ZCCHC14: variants seen among roughly 807,000 people sequenced by gnomAD.
ZCCHC14 encodes zinc finger CCHC domain-containing protein 14.
In ZCCHC14, 16 loss-of-function variants were observed where a neutral mutation model predicts 85.0. The observed-to-expected ratio is 0.19, with a 90% CI of 0.13 to 0.29. The LOEUF (loss-of-function observed/expected upper bound fraction) is 0.29, where lower values mean the gene tolerates loss of function less well. ZCCHC14 is among the 10% of genes least tolerant of loss of function. The probability of loss-of-function intolerance (pLI) is 1.00; values close to 1 mark genes in which losing one functional copy is unlikely to be tolerated. For missense variants in ZCCHC14, 1,303 were observed against 1,443.5 expected (o/e 0.90, Z 1.58); for synonymous variants, 775 against 630.7 (o/e 1.23, Z -3.43).
At position 87,409,227 on chromosome 16, in the gene ZCCHC14, GATAA is replaced by G. The variant is rs1164679759; in HGVS notation, c.*1049_*1052del. On this transcript the variant is annotated 3_prime_UTR_variant, in exon 13 of 13. Coordinates refer to ENST00000671377, the MANE Select transcript of ZCCHC14 (RefSeq NM_015144.3). Reference sequence around the variant, plus strand: ...AGGAGAAAATTCCCAATCTTTTGCTGATAAATGACAGGACTGTATCATTGTTGAA... The same window carrying G: ...AGGAGAAAATTCCCAATCTTTTGCTGATGACAGGACTGTATCATTGTTGAA... The G allele has an allele frequency of 6.6e-6, 1 of 152,140 alleles. No homozygotes were observed. Among genetic ancestry groups the G allele is most frequent in the Non-Finnish European group, 1.5e-5 (1 of 67,998 alleles). 9.4% of individuals were successfully genotyped at this position (152,140 alleles called of 1,614,324 possible).
At chr16:87,443,940 G>A (rs958812126) in intron 2 of ZCCHC14, among the ~76,000 whole-genome samples, 3 of 151,140 alleles carry the variant, frequency 2.0e-5, no homozygotes, top group East Asian at 1.9e-4. Flanking sequence ...AGGAGGCTGA[G>A]GCATGAGAAT....
At chr16:87,471,190 C>T (rs959530175) in intron 1 of ZCCHC14, 3 of 152,074 alleles carry the variant, frequency 2.0e-5, no homozygotes, top group Non-Finnish European at 1.5e-5. Context: ...GAAGGAGTAA[C>T]GTCTGTTAAA....
Position 87,412,634 on chromosome 16 carries a change from A to G in ZCCHC14, c.2087T>C (p.Met696Thr), listed in dbSNP as rs749060254. 1.9e-6 allele frequency: 3 copies of G among 1,614,212 alleles called. No individual in the cohort carries two copies. Among genetic ancestry groups the G allele is most frequent in the African/African-American group, 1.3e-5 (1 of 75,064 alleles). The change falls in exon 12 of 13, where the codon ATG (methionine) becomes ACG (threonine). Residue 696 changes from methionine to threonine, a missense_variant. By Grantham distance (81) the Met-to-Thr change is moderately conservative (BLOSUM62 -1). Around this residue, in one of 7 missense-constraint regions of ZCCHC14, gnomAD observed 797 missense variants for 730.8 expected, o/e 1.09. Transcript: ENST00000671377. ...TGCGGACGCGGGCAGCACGTCCATCATGGCGCTGCCAAAGCTCTTGTCCAC... is the reference window on the plus strand; with the variant it reads ...TGCGGACGCGGGCAGCACGTCCATCGTGGCGCTGCCAAAGCTCTTGTCCAC... ...MKVDKSFGSA[M>T]MDVLPASAPH...
intron 2 of ZCCHC14, among the ~76,000 whole-genome samples, chr16:87,435,244 G>A (rs917194390): frequency 6.6e-5 from 10 of 152,086 alleles, no homozygotes; most frequent in African/African-American, 1.7e-4. Flanking sequence ...CAAATCACCC[G>A]TGGCAAGTTA....
chr16:87,453,896 A>G (rs963463158), intron 2 of ZCCHC14, among the ~76,000 whole-genome samples: 1 of 152,240 alleles, frequency 6.6e-6, no homozygotes, highest in Non-Finnish European at 1.5e-5. Flanking sequence ...TTATAATGAC[A>G]TTCAAAGATG....
Position 87,419,895 on chromosome 16 carries a change from G to T in ZCCHC14, c.951-18C>A, listed in dbSNP as rs377493506. 4 of 1,578,106 alleles carry T rather than the reference G, an allele frequency of 2.5e-6. No individual in the cohort carries two copies. The Admixed American group carries it at 7.9e-5, about 31-fold the overall frequency. On this transcript the variant is annotated intron_variant, in intron 5 of 12. Coordinates refer to ENST00000671377, the MANE Select transcript of ZCCHC14 (RefSeq NM_015144.3). ...CCAGGTACCTAAAAGGCAAACAAGT[G>T]GTCTTATCAACATTAAAATGGCATT...
chr16:87,423,668 A>G, intron 4 of ZCCHC14, 142 bp downstream of exon 4: 1 of 868,864 alleles, frequency 1.2e-6, no homozygotes, highest in South Asian at 1.7e-5. Flanking sequence ...CTGGGACTCC[A>G]CTGTGGCTGG....
intron 1 of ZCCHC14, among the ~76,000 whole-genome samples, chr16:87,474,608 C>G (rs2150770962): frequency 6.6e-6 from 1 of 152,288 alleles, no homozygotes; most frequent in East Asian, 1.9e-4. Context: ...GTGCCCAGAG[C>G]GAGCTGAGCA....
At chr16:87,483,220 G>A (rs1912364662) in intron 1 of ZCCHC14, among the ~76,000 whole-genome samples, 1 of 143,002 alleles carries the variant, frequency 7.0e-6, no homozygotes, top group Admixed American at 7.5e-5. Context: ...CACTTTGGGA[G>A]GCCGAGGTGG....
intron 1 of ZCCHC14, among the ~76,000 whole-genome samples, chr16:87,461,785 A>G (rs923113714): frequency 1.3e-5 from 2 of 152,232 alleles, no homozygotes; most frequent in African/African-American, 4.8e-5. Context: ...AGCAAGCCAC[A>G]GGGGCCACAC....
At position 87,412,833 on chromosome 16, in the gene ZCCHC14, G is replaced by T. The variant is rs773436443; in HGVS notation, c.1888C>A (p.Leu630Met). 1 of 1,609,636 alleles carries T rather than the reference G, an allele frequency of 6.2e-7. No homozygotes were observed. ...ASSNPSGHHP[L>M]PPQMLSAASH... Reference sequence around the variant, plus strand: ...GCTGCGCTCAGCATCTGCGGGGGCAGGGGGTGGTGGCCTGATGGATTGGAG... The same window carrying T: ...GCTGCGCTCAGCATCTGCGGGGGCATGGGGTGGTGGCCTGATGGATTGGAG... The change falls in exon 12 of 13, where the codon CTG becomes ATG. Residue 630 changes from leucine (L) to methionine (M), a missense_variant. Physicochemically the swap from Leu to Met is conservative, Grantham distance 15 (BLOSUM62 2). Transcript: ENST00000671377.
At chr16:87,452,394 T>C (rs369177295) in intron 2 of ZCCHC14, among the ~76,000 whole-genome samples, 6 of 152,124 alleles carry the variant, frequency 3.9e-5, no homozygotes, top group Admixed American at 3.3e-4. Flanking sequence ...TGACGAGGAC[T>C]TGGAGTCTGT....
chr16:87,458,000 T>C (rs1017461547), intron 2 of ZCCHC14, among the ~76,000 whole-genome samples: 15 of 152,108 alleles, frequency 9.9e-5, no homozygotes. Flanking sequence ...ACGCAGGCTT[T>C]GCCACAGCTC....
At chr16:87,458,678 C>G (rs753621371) in intron 2 of ZCCHC14, among the ~76,000 whole-genome samples, 52 of 152,156 alleles carry the variant, frequency 3.4e-4, no homozygotes, top group Admixed American at 3.4e-3. Flanking sequence ...GTGGAAGGCA[C>G]GAAGCGCCGT....
intron 8 of ZCCHC14, 43 bp from the exon 9 acceptor site, chr16:87,415,410 T>C (rs746398711): frequency 1.9e-6 from 3 of 1,550,924 alleles, no homozygotes; most frequent in Non-Finnish European, 2.7e-6. Flanking sequence ...GAGACATAAG[T>C]AGGACTCTGA....
intron 1 of ZCCHC14, among the ~76,000 whole-genome samples, chr16:87,484,260 T>C (rs1912414877): frequency 1.3e-5 from 2 of 152,216 alleles, no homozygotes; most frequent in African/African-American, 4.8e-5. Context: ...CTGGGTGCCC[T>C]TCCGTGCCAT....
At chr16:87,438,216 C>T (rs1410694794) in intron 2 of ZCCHC14, among the ~76,000 whole-genome samples, 1 of 152,288 alleles carries the variant, frequency 6.6e-6, no homozygotes, top group Non-Finnish European at 1.5e-5. Flanking sequence ...AGGAGGAATG[C>T]ACGCCCCGAC....
At chr16:87,451,294 T>A (rs1234529902) in intron 2 of ZCCHC14, among the ~76,000 whole-genome samples, 1 of 151,762 alleles carries the variant, frequency 6.6e-6, no homozygotes, top group Non-Finnish European at 1.5e-5. Context: ...CCTCCCGGGT[T>A]CAAGCAACTC....
intron 1 of ZCCHC14, among the ~76,000 whole-genome samples, chr16:87,461,128 G>A (rs1210340292): frequency 1.3e-5 from 2 of 152,214 alleles, no homozygotes; most frequent in African/African-American, 4.8e-5. Context: ...GTGGGTGGGG[G>A]AGGCCCTCCT....
Sources: allele counts gnomAD v4.1 joint callset (sites outside exome capture counted in the v4.1 genomes callset), GRCh38; gene constraint gnomAD v4.1.1; regional missense constraint gnomAD v4.1.1; transcripts MANE v1.5; gene names NCBI Gene and HGNC (gene_info 2026-07-23, HGNC 2026-07-21).